The following SMAD5 variants were observed in gnomAD, a reference collection of about 807,000 sequenced individuals.
The protein encoded by SMAD5 is MAD, mothers against decapentaplegic homolog 5.
Under a neutral mutation model 43.1 loss-of-function variants are expected in SMAD5, and 9 were observed. The observed-to-expected ratio is 0.21, with a 90% CI of 0.13 to 0.36. The LOEUF is 0.36. SMAD5 is among the 10% of genes least tolerant of loss of function. The probability of loss-of-function intolerance (pLI) is 1.00; values close to 1 mark genes in which losing one functional copy is unlikely to be tolerated. For missense variants in SMAD5, 348 were observed against 574.0 expected (o/e 0.61, Z 4.02); for synonymous variants, 190 against 192.4 (o/e 0.99, Z 0.10).
intron 3 of SMAD5, among the ~76,000 whole-genome samples, chr5:136,158,006 A>G (rs538409424): frequency 6.6e-6 from 1 of 152,344 alleles, no homozygotes; most frequent in East Asian, 1.9e-4. Context: ...ATAGGTTGTT[A>G]TGAGCATTAG....
intron 1 of SMAD5, among the ~76,000 whole-genome samples, chr5:136,143,429 C>G (rs1753155849): frequency 6.6e-6 from 1 of 151,978 alleles, no homozygotes; most frequent in East Asian, 1.9e-4. Flanking sequence ...TGTCTTTCGG[C>G]TTAGATAGAA....
At chr5:136,143,357 T>C (rs1753149696) in intron 1 of SMAD5, among the ~76,000 whole-genome samples, 1 of 151,986 alleles carries the variant, frequency 6.6e-6, no homozygotes, top group South Asian at 2.1e-4. Flanking sequence ...TCCCCCTAGT[T>C]AGTCTCTTAC....
At chr5:136,157,993 C>G (rs1753698051) in intron 3 of SMAD5, among the ~76,000 whole-genome samples, 1 of 152,098 alleles carries the variant, frequency 6.6e-6, no homozygotes, top group Admixed American at 6.5e-5. Context: ...TACTACCTAC[C>G]TAATAGGTTG....
chr5:136,165,678 T>A lies in SMAD5; in HGVS notation c.775+2287T>A, dbSNP rs1275524246. Among the ~76,000 whole-genome samples, 26 of 138,844 alleles carry A rather than the reference T, an allele frequency of 1.9e-4. 1 individual carries two copies. The highest frequency in any genetic ancestry group is 4.1e-4 in the African/African-American group (15 of 36,888). The allele number at this position is 138,844 out of a possible 152,430, so 91.1% of individuals were successfully genotyped here. On this transcript the variant is annotated intron_variant, in intron 5 of 7. Coordinates refer to ENST00000545279, the MANE Select transcript of SMAD5 (RefSeq NM_005903.7). The stretch of plus-strand genomic sequence containing the variant: ...AATCATACAATTTTTTTTTTTTTTT[T>A]TTTTTTTTTTTTTTTTTTTTTGTGA...
intron 5 of SMAD5, among the ~76,000 whole-genome samples, chr5:136,168,765 G>C (rs940161058): frequency 3.9e-5 from 6 of 152,126 alleles, no homozygotes; most frequent in Admixed American, 1.3e-4. Context: ...TCTTTTTACT[G>C]TCTCTATAGT....
intron 1 of SMAD5, among the ~76,000 whole-genome samples, chr5:136,139,280 A>G (rs139716101): frequency 0.01 from 1,533 of 152,190 alleles, 23 homozygotes; most frequent in South Asian, 0.037. Context: ...AGGTAAGAAC[A>G]GGACCTTTGG....
chr5:136,137,270 A>AC (rs61537356), intron 1 of SMAD5, among the ~76,000 whole-genome samples: 3,127 of 125,190 alleles, frequency 0.025, 105 homozygotes, highest in South Asian at 0.042. Context: ...ATTTTTTGGG[A>AC]CCCCCCCCCG....
chr5:136,144,563 G>T (rs1039576264), intron 1 of SMAD5, among the ~76,000 whole-genome samples: 1 of 151,132 alleles, frequency 6.6e-6, no homozygotes, highest in Non-Finnish European at 1.5e-5. Flanking sequence ...GTTTTCTTAG[G>T]AACTAAATAT....
intron 1 of SMAD5, among the ~76,000 whole-genome samples, chr5:136,140,073 A>T (rs1051904724): frequency 2.0e-5 from 3 of 147,436 alleles, no homozygotes; most frequent in African/African-American, 7.6e-5. Flanking sequence ...GCCAGGCTAG[A>T]GTGCAGTGGT....
intron 4 of SMAD5, among the ~76,000 whole-genome samples, chr5:136,161,861 T>C (rs1753835604): frequency 1.3e-5 from 2 of 152,168 alleles, no homozygotes; most frequent in Non-Finnish European, 2.9e-5. Context: ...AAACAGCATA[T>C]TACAAAGCCA....
intron 7 of SMAD5, among the ~76,000 whole-genome samples, chr5:136,176,060 T>C (rs911708837): frequency 6.6e-6 from 1 of 152,220 alleles, no homozygotes; most frequent in Non-Finnish European, 1.5e-5. Context: ...ATAATCACTA[T>C]GTGACTGCCA....
At chr5:136,171,017 C>T (rs10214070) in intron 5 of SMAD5, among the ~76,000 whole-genome samples, 54,010 of 151,928 alleles carry the variant, frequency 0.36, 10,445 homozygotes, top group African/African-American at 0.52. Flanking sequence ...CAAACAAAGA[C>T]AATTTCCTCC....
intron 2 of SMAD5, chr5:136,152,788 G>C (rs1011702233): frequency 6.6e-6 from 1 of 152,378 alleles, no homozygotes; most frequent in Non-Finnish European, 1.5e-5. Flanking sequence ...GTTTTTACCA[G>C]CTTCTATCGG....
intron 2 of SMAD5, among the ~76,000 whole-genome samples, chr5:136,151,277 C>G (rs967881684): frequency 6.6e-6 from 1 of 151,890 alleles, no homozygotes; most frequent in African/African-American, 2.4e-5. Flanking sequence ...AGGGTAAATG[C>G]TATAAAAAAT....
At chr5:136,136,377 C>T (rs908252703) in intron 1 of SMAD5, among the ~76,000 whole-genome samples, 2 of 152,106 alleles carry the variant, frequency 1.3e-5, no homozygotes, top group Non-Finnish European at 2.9e-5. Flanking sequence ...GGTGTTTCAC[C>T]ATGTTCGCCA....
chr5:136,169,208 C>T (rs1754131526), intron 5 of SMAD5, among the ~76,000 whole-genome samples: 1 of 152,162 alleles, frequency 6.6e-6, no homozygotes, highest in South Asian at 2.1e-4. Flanking sequence ...TGTTTGAGGA[C>T]AGGAAGCATC....
At chr5:136,176,207 A>G (rs1052972822) in intron 7 of SMAD5, among the ~76,000 whole-genome samples, 1 of 151,770 alleles carries the variant, frequency 6.6e-6, no homozygotes, top group Non-Finnish European at 1.5e-5. Context: ...TAATCCCAGC[A>G]CTTTGGGAGG....
intron 3 of SMAD5, among the ~76,000 whole-genome samples, chr5:136,159,379 GA>G (rs1202519725): frequency 6.6e-6 from 1 of 152,146 alleles, no homozygotes; most frequent in African/African-American, 2.4e-5. Context: ...CAGTATATGG[GA>G]GGGGGCTAGG....
chr5:136,176,937 A>G (rs917307474), intron 7 of SMAD5, among the ~76,000 whole-genome samples: 4 of 152,216 alleles, frequency 2.6e-5, no homozygotes, highest in Admixed American at 2.6e-4. Flanking sequence ...TATCTTGTCT[A>G]CAGTAATTAT....
Sources: gnomAD v4.1 joint callset for allele counts (sites outside exome capture counted in the v4.1 genomes callset) on GRCh38, gnomAD v4.1.1 for gene constraint, MANE v1.5 for transcripts, NCBI Gene and HGNC (gene_info 2026-07-23, HGNC 2026-07-21) for gene names.